Variants in TIAM1 observed in about 807,000 individuals in gnomAD.
TIAM1 encodes the protein rho guanine nucleotide exchange factor TIAM1.
Under a neutral mutation model 163.5 loss-of-function variants are expected in TIAM1, and 65 were observed. That is an observed-to-expected ratio of 0.40 (90% CI 0.33 to 0.49). TIAM1 has a LOEUF of 0.49. TIAM1 is among the 20% of genes least tolerant of loss of function. The pLI is 0.77. For missense variants in TIAM1, 1,789 were observed against 2,044.7 expected, an observed-to-expected ratio of 0.87 and a Z score of 2.41; for synonymous variants, 833 against 810.1, an observed-to-expected ratio of 1.03 and a Z score of -0.48.
intron 6 of TIAM1, among the ~76,000 whole-genome samples, chr21:31,229,754 G>A (rs1483128076): frequency 2.0e-5 from 3 of 151,800 alleles, no homozygotes; most frequent in Non-Finnish European, 4.4e-5. Context: ...CCAAGTTCAA[G>A]AGATTCTCCT....
intron 2 of TIAM1, among the ~76,000 whole-genome samples, chr21:31,305,693 T>C (rs1396993526): frequency 1.3e-5 from 2 of 152,184 alleles, no homozygotes; most frequent in African/African-American, 4.8e-5. Context: ...TAATAATTTG[T>C]ATGAGAATTT....
intron 2 of TIAM1, among the ~76,000 whole-genome samples, chr21:31,432,021 T>G (rs1258800931): frequency 2.0e-5 from 3 of 151,902 alleles, no homozygotes; most frequent in African/African-American, 7.3e-5. Flanking sequence ...AACTAATTCC[T>G]TGATCATATC....
At chr21:31,225,656 CAAAAA>C in intron 7 of TIAM1, 65 bp downstream of exon 7, 1 of 1,082,336 alleles carries the variant, frequency 9.2e-7, no homozygotes, top group Non-Finnish European at 1.3e-6. Context: ...TCCAAAACAG[CAAAAA>C]AAAAAAAAAA....
In TIAM1 at chr21:31,279,651, G is replaced by T. The variant is rs543290605; in HGVS notation, c.-188-2743C>A. Among the ~76,000 whole-genome samples, 4 of 152,210 alleles carry T rather than the reference G, an allele frequency of 2.6e-5. No homozygotes were observed. The South Asian group carries it at 8.3e-4, about 32-fold the overall frequency. ...GATGATAAGATTCCTAAATCATTGG[G>T]TTGTCATGAGCATTAAATGAGATCA... On this transcript the variant is annotated intron_variant, in intron 2 of 27. Coordinates refer to ENST00000541036, the MANE Select transcript of TIAM1 (RefSeq NM_001353694.2).
At chr21:31,518,303 T>C (rs1049917213) in intron 1 of TIAM1, among the ~76,000 whole-genome samples, 3 of 152,132 alleles carry the variant, frequency 2.0e-5, no homozygotes, top group Non-Finnish European at 4.4e-5. Context: ...GGGTTTTTTT[T>C]TGAAATGAAG....
chr21:31,153,047 G>A lies in TIAM1; in HGVS notation c.3240+19C>T. The A allele has an allele frequency of 6.2e-7, 1 of 1,609,080 alleles. No homozygotes were observed. Among genetic ancestry groups the A allele is most frequent in the Non-Finnish European group, 8.5e-7 (1 of 1,178,408 alleles). ...ACCACGGTATGATGGTCACAAAGTTGAAACCATTTCCAGCATACCTCATCC... is the reference window on the plus strand; with the variant it reads ...ACCACGGTATGATGGTCACAAAGTTAAAACCATTTCCAGCATACCTCATCC... On this transcript the variant is annotated intron_variant, in intron 18 of 27. Coordinates refer to ENST00000541036, the MANE Select transcript of TIAM1 (RefSeq NM_001353694.2).
chr21:31,335,439 G>A (rs983776529), intron 2 of TIAM1, among the ~76,000 whole-genome samples: 1 of 152,144 alleles, frequency 6.6e-6, no homozygotes, highest in Non-Finnish European at 1.5e-5. Flanking sequence ...CAAGCCAGGT[G>A]CGGTGGCTCA....
intron 5 of TIAM1, among the ~76,000 whole-genome samples, chr21:31,246,420 AACTTGAGGCTC>A (rs918832355): frequency 4.6e-5 from 7 of 152,164 alleles, no homozygotes; most frequent in Non-Finnish European, 4.4e-5. Context: ...TTATCATCTA[AACTTGAGGCTC>A]ACTTTAATAG....
At chr21:31,306,355 C>T (rs575452906) in intron 2 of TIAM1, among the ~76,000 whole-genome samples, 1 of 152,048 alleles carries the variant, frequency 6.6e-6, no homozygotes, top group South Asian at 2.1e-4. Flanking sequence ...AACTACAAGT[C>T]CATATAGAGA....
chr21:31,375,962 G>A (rs565353717), intron 2 of TIAM1, among the ~76,000 whole-genome samples: 5 of 152,130 alleles, frequency 3.3e-5, no homozygotes, highest in Non-Finnish European at 7.3e-5. Flanking sequence ...AGGAGGCAGA[G>A]GTTGCAGTGA....
chr21:31,448,043 C>G (rs1345086573), intron 2 of TIAM1, among the ~76,000 whole-genome samples: 1 of 152,188 alleles, frequency 6.6e-6, no homozygotes, highest in Non-Finnish European at 1.5e-5. Flanking sequence ...AGGCCTTCAA[C>G]TGAAAGGAGA....
chr21:31,537,659 C>T (rs1033999547), intron 1 of TIAM1, among the ~76,000 whole-genome samples: 1 of 151,330 alleles, frequency 6.6e-6, no homozygotes, highest in Non-Finnish European at 1.5e-5. Flanking sequence ...GGCTGAGACA[C>T]AAGAATTGCT....
intron 2 of TIAM1, among the ~76,000 whole-genome samples, chr21:31,280,003 C>T (rs1372586793): frequency 1.3e-5 from 2 of 151,562 alleles, no homozygotes; most frequent in African/African-American, 4.9e-5. Context: ...CACAGACACA[C>T]AGACACACAC....
chr21:31,460,078 A>T (rs1020530773), intron 2 of TIAM1, among the ~76,000 whole-genome samples: 4 of 152,130 alleles, frequency 2.6e-5, no homozygotes, highest in Admixed American at 6.5e-5. Flanking sequence ...GCAGGTTTTA[A>T]ACAAGCCCCA....
At chr21:31,460,801 A>G (rs1432116806) in intron 2 of TIAM1, among the ~76,000 whole-genome samples, 1 of 152,192 alleles carries the variant, frequency 6.6e-6, no homozygotes, top group African/African-American at 2.4e-5. Flanking sequence ...TTGGTAAGCT[A>G]TTTTACTGTT....
chr21:31,458,420 C>CA (rs1014799037), intron 2 of TIAM1, among the ~76,000 whole-genome samples: 69 of 140,936 alleles, frequency 4.9e-4, no homozygotes, highest in African/African-American at 9.7e-4. Context: ...AACTCCATCT[C>CA]AAAAAAAAAA....
chr21:31,236,664 CTTG>C (rs1254825217), intron 6 of TIAM1, among the ~76,000 whole-genome samples: 1 of 151,854 alleles, frequency 6.6e-6, no homozygotes, highest in Non-Finnish European at 1.5e-5. Context: ...TGGGGAAGGC[CTTG>C]TTGGGTAAGA....
chr21:31,170,643 G>C (rs1049164922), intron 15 of TIAM1, among the ~76,000 whole-genome samples: 3 of 152,152 alleles, frequency 2.0e-5, no homozygotes, highest in African/African-American at 7.2e-5. Context: ...CTCAGAAACA[G>C]AGCCTCCATC....
intron 2 of TIAM1, among the ~76,000 whole-genome samples, chr21:31,403,223 C>A (rs984955310): frequency 6.6e-6 from 1 of 152,162 alleles, no homozygotes; most frequent in Non-Finnish European, 1.5e-5. Context: ...TCTTGGCTCA[C>A]TGCAACCTCC....
Sources: allele counts gnomAD v4.1 joint callset (sites outside exome capture counted in the v4.1 genomes callset), GRCh38; gene constraint gnomAD v4.1.1; transcripts MANE v1.5; gene names NCBI Gene and HGNC (gene_info 2026-07-23, HGNC 2026-07-21).